Variants in CYP2U1 observed in about 807,000 individuals in gnomAD.
The protein encoded by CYP2U1 is cytochrome P450 2U1.
CYP2U1 carries 28 observed loss-of-function variants against 42.8 expected under a neutral mutation model. That is an observed-to-expected ratio of 0.65 (90% CI 0.48 to 0.90). CYP2U1 has a LOEUF of 0.90. Among genes scored for constraint, CYP2U1 ranks in the 40% least tolerant of loss-of-function variants. The pLI is 0.00. For missense variants in CYP2U1, 642 were observed against 693.8 expected, an observed-to-expected ratio of 0.93 and a Z score of 0.84; for synonymous variants, 296 against 278.9, an observed-to-expected ratio of 1.06 and a Z score of -0.61.
chr4:107,947,295 G>T, intron 2 of CYP2U1, 81 bp from the exon 3 acceptor site: 5 of 1,244,252 alleles, frequency 4.0e-6, no homozygotes, highest in Non-Finnish European at 5.8e-6. Flanking sequence ...TGCATTAGTG[G>T]TGATGGAAAG....
At chr4:107,945,744 T>G in intron 2 of CYP2U1, 139 bp downstream of exon 2, 1 of 1,171,162 alleles carries the variant, frequency 8.5e-7, no homozygotes, top group Non-Finnish European at 1.2e-6. Flanking sequence ...TCATAGGGAG[T>G]TGGTAAGATG....
intron 3 of CYP2U1, among the ~76,000 whole-genome samples, chr4:107,949,018 A>C (rs1467058208): frequency 6.6e-6 from 1 of 152,154 alleles, no homozygotes; most frequent in Non-Finnish European, 1.5e-5. Context: ...CATATTGGGA[A>C]TTTTAATTTT....
chr4:107,946,597 G>A (rs1733705675), intron 2 of CYP2U1, among the ~76,000 whole-genome samples: 1 of 151,874 alleles, frequency 6.6e-6, no homozygotes, highest in Admixed American at 6.6e-5. Context: ...TTATTGCTGG[G>A]TAGCAAACTA....
Position 107,945,268 on chromosome 4 carries a change from G to A in CYP2U1, c.789G>A (p.Leu263=). The change falls in exon 2 of 5, where the codon CTG becomes CTA. Residue 263 remains leucine (L), a synonymous_variant. Transcript: ENST00000332884. The part of the protein sequence containing the change: ...GFMSRGLEIC[L]NSQVLLVNIC... ...TGTCACGAGGCCTAGAAATCTGTCT[G>A]AACAGTCAAGTCCTCCTGGTCAACA... 3 of 1,614,056 alleles carry A rather than the reference G, an allele frequency of 1.9e-6. No individual in the cohort carries two copies. The highest frequency in any genetic ancestry group is 2.5e-6 in the Non-Finnish European group (3 of 1,180,022).
intron 2 of CYP2U1, among the ~76,000 whole-genome samples, chr4:107,946,083 C>A (rs1485449127): frequency 6.6e-6 from 1 of 152,178 alleles, no homozygotes; most frequent in Non-Finnish European, 1.5e-5. Context: ...GTTTCTGTTG[C>A]TGTTATAACA....
At chr4:107,932,207 C>T in intron 1 of CYP2U1, 74 bp downstream of exon 1, 1 of 1,498,106 alleles carries the variant, frequency 6.7e-7, no homozygotes, top group Non-Finnish European at 8.9e-7. Context: ...GGCTGCAGTT[C>T]CTGTGCCCCT....
chr4:107,934,312 C>G (rs1481219030), intron 1 of CYP2U1, among the ~76,000 whole-genome samples: 3 of 152,090 alleles, frequency 2.0e-5, no homozygotes, highest in African/African-American at 7.2e-5. Context: ...TTAAGACCTT[C>G]CCAGTCCCTT....
rs1019343253 is a variant in CYP2U1, at chr4:107,952,473, T to A, written c.*2050T>A. ...TGATAGAGAAGAGGGCAAGAAAAGA[T>A]CCAGAGTGGCTGTTACTTTGAAAAT... On this transcript the variant is annotated 3_prime_UTR_variant, in exon 5 of 5. Transcript: ENST00000332884. 2 of 152,240 alleles carry A rather than the reference T, an allele frequency of 1.3e-5. No homozygotes were observed. The highest frequency in any genetic ancestry group is 4.8e-5 in the African/African-American group (2 of 41,466). 9.4% of individuals were successfully genotyped at this position (152,240 alleles called of 1,614,324 possible). A position where few individuals can be genotyped will look rare whatever the true frequency, so the allele number is the denominator to read the frequency against.
At chr4:107,946,401 G>A (rs1733698073) in intron 2 of CYP2U1, among the ~76,000 whole-genome samples, 1 of 151,990 alleles carries the variant, frequency 6.6e-6, no homozygotes, top group Non-Finnish European at 1.5e-5. Flanking sequence ...TCTTAGATTG[G>A]GCACACCCAG....
rs903289136 is a variant in CYP2U1 at position 107,951,095 on chromosome 4, G to A, written c.*672G>A. The A allele has an allele frequency of 2.6e-5, 4 of 152,140 alleles. No homozygotes were observed. Among genetic ancestry groups the A allele is most frequent in the African/African-American group, 9.7e-5 (4 of 41,422 alleles). The allele number at this position is 152,140 out of a possible 1,614,324, so 9.4% of individuals were successfully genotyped here. On this transcript the variant is annotated 3_prime_UTR_variant, in exon 5 of 5. Coordinates refer to ENST00000332884, the MANE Select transcript of CYP2U1 (RefSeq NM_183075.3). ...TGTGGGATGAAGTGGACTCTGTCGTGTATATTGAGGAAAAAAGAAATTATA... is the reference window on the plus strand; with the variant it reads ...TGTGGGATGAAGTGGACTCTGTCGTATATATTGAGGAAAAAAGAAATTATA...
intron 1 of CYP2U1, among the ~76,000 whole-genome samples, chr4:107,936,797 TG>T (rs1165178185): frequency 6.6e-6 from 1 of 152,240 alleles, no homozygotes; most frequent in Non-Finnish European, 1.5e-5. Context: ...TAGCTTTATT[TG>T]GTATGTTCTT....
chr4:107,933,241 C>G (rs560001444), intron 1 of CYP2U1, among the ~76,000 whole-genome samples: 1 of 152,252 alleles, frequency 6.6e-6, no homozygotes, highest in Non-Finnish European at 1.5e-5. Flanking sequence ...GAAAAAAGTT[C>G]TATGGATGGA....
At chr4:107,932,947 G>C (rs1301259986) in intron 1 of CYP2U1, among the ~76,000 whole-genome samples, 1 of 152,152 alleles carries the variant, frequency 6.6e-6, no homozygotes, top group African/African-American at 2.4e-5. Flanking sequence ...ATAACTTTAT[G>C]ACCTTGGGCC....
At chr4:107,942,335 C>T (rs369499439) in intron 1 of CYP2U1, among the ~76,000 whole-genome samples, 4 of 151,980 alleles carry the variant, frequency 2.6e-5, no homozygotes, top group African/African-American at 9.7e-5. Context: ...TGTGGATCCC[C>T]CAGACCTCTG....
intron 1 of CYP2U1, among the ~76,000 whole-genome samples, chr4:107,933,982 C>A (rs1268078318): frequency 6.6e-6 from 1 of 152,062 alleles, no homozygotes; most frequent in African/African-American, 2.4e-5. Flanking sequence ...ACTTGTGCCT[C>A]CAACTTTGGG....
At chr4:107,948,254 T>A (rs1258114862) in intron 3 of CYP2U1, among the ~76,000 whole-genome samples, 1 of 96,624 alleles carries the variant, frequency 1.0e-5, no homozygotes, top group Non-Finnish European at 1.9e-5. Flanking sequence ...GGAGCAAGCC[T>A]CTGTCTCAAA....
chr4:107,942,726 T>A (rs187416136), intron 1 of CYP2U1, among the ~76,000 whole-genome samples: 112 of 152,260 alleles, frequency 7.4e-4, no homozygotes, highest in African/African-American at 2.6e-3. Flanking sequence ...CAATAGGTTG[T>A]CTACATAGGG....
chr4:107,950,221 A>AT (rs758717282), intron 4 of CYP2U1, 24 bp from the exon 5 acceptor site: 4 of 1,577,238 alleles, frequency 2.5e-6, no homozygotes, highest in African/African-American at 2.7e-5. Context: ...ATAATCCTTC[A>AT]TTTTTTTCTG....
rs1316588384 is a variant in CYP2U1, at chr4:107,952,763, T to C, written c.*2340T>C. 1 of 152,226 alleles carries C rather than the reference T, an allele frequency of 6.6e-6. No homozygotes were observed. The highest frequency in any genetic ancestry group is 1.9e-4 in the East Asian group (1 of 5,200). 9.4% of individuals were successfully genotyped at this position (152,226 alleles called of 1,614,324 possible). A position where few individuals can be genotyped will look rare whatever the true frequency, so the allele number is the denominator to read the frequency against. On this transcript the variant is annotated 3_prime_UTR_variant, in exon 5 of 5. Transcript: ENST00000332884. Reference sequence around the variant, plus strand: ...AAGCTCAAAAAATGAAAATAATATCTGCTTAACCAAAACATAATCATAGGA... The same window carrying C: ...AAGCTCAAAAAATGAAAATAATATCCGCTTAACCAAAACATAATCATAGGA...
Sources: gnomAD v4.1 joint callset for allele counts (sites outside exome capture counted in the v4.1 genomes callset) on GRCh38, gnomAD v4.1.1 for gene constraint, MANE v1.5 for transcripts, NCBI Gene and HGNC (gene_info 2026-07-23, HGNC 2026-07-21) for gene names.